PZP: variants seen among roughly 807,000 people sequenced by gnomAD.
PZP encodes the protein PZP alpha-2-macroglobulin like.
In PZP, 150 loss-of-function variants were observed where a neutral mutation model predicts 179.8. That is an observed-to-expected ratio of 0.83 (90% CI 0.73 to 0.96). The LOEUF is 0.96. Among genes scored for constraint, PZP ranks in the 40% least tolerant of loss-of-function variants. The pLI is 0.00. For synonymous variants in PZP, 624 were observed against 652.3 expected, an observed-to-expected ratio of 0.96 and a Z score of 0.66; for missense variants, 1,689 against 1,764.0, an observed-to-expected ratio of 0.96 and a Z score of 0.76.
intron 18 of PZP, 84 bp from the exon 19 acceptor site, chr12:9,165,451 C>G: frequency 6.8e-7 from 1 of 1,465,036 alleles, no homozygotes; most frequent in Non-Finnish European, 9.4e-7. Flanking sequence ...ATAAAGCTAA[C>G]GTCAAGAACT....
rs1943493536 is a variant in PZP, at chr12:9,192,174, T to C, written c.1546+19A>G. On this transcript the variant is annotated intron_variant, in intron 13 of 35. Transcript: ENST00000261336. Reference sequence around the variant, plus strand: ...GATGTGTTAGGGGAGCAAGGAGAGATGAATCTGAGGATACTCACTGTCTCC... The same window carrying C: ...GATGTGTTAGGGGAGCAAGGAGAGACGAATCTGAGGATACTCACTGTCTCC... The C allele has an allele frequency of 6.2e-7, 1 of 1,604,752 alleles. No homozygotes were observed. The highest frequency in any genetic ancestry group is 2.2e-5 in the East Asian group (1 of 44,820).
intron 25 of PZP, 147 bp downstream of exon 25, chr12:9,159,791 A>G: frequency 1.4e-6 from 1 of 710,924 alleles, no homozygotes; most frequent in Non-Finnish European, 2.3e-6. Context: ...ATCAGCCTTC[A>G]TAGCTATAAG....
At chr12:9,208,037 T>A (rs1944528535) in intron 1 of PZP, among the ~76,000 whole-genome samples, 1 of 152,200 alleles carries the variant, frequency 6.6e-6, no homozygotes, top group Non-Finnish European at 1.5e-5. Flanking sequence ...TGCTTCCTAG[T>A]GACTAATCGT....
chr12:9,155,438 T>A (rs1207553794), intron 28 of PZP, among the ~76,000 whole-genome samples: 1 of 152,222 alleles, frequency 6.6e-6, no homozygotes, highest in African/African-American at 2.4e-5. Context: ...TCTTTCCTGC[T>A]AATTCAACTC....
At chr12:9,171,963 C>T (rs1262876370) in intron 15 of PZP, among the ~76,000 whole-genome samples, 1 of 152,076 alleles carries the variant, frequency 6.6e-6, no homozygotes. Context: ...CAAGACAGGC[C>T]AACATTCAAA....
rs185115711 is a variant in PZP at position 9,157,827 on chromosome 12, A to G, written c.3309T>C (p.Asp1103=). The change falls in exon 27 of 36, where the codon GAT becomes GAC. Residue 1103 remains aspartate (D), a synonymous_variant. Transcript: ENST00000261336. The part of the protein sequence containing the change: ...LNNAIKGGVE[D]EATLSAYVTI... The stretch of plus-strand genomic sequence containing the variant: ...TAACATAGGCGGAGAGGGTCGCTTC[A>G]TCTTCTACACCTCCCTGTGAATACA... 3.1e-6 allele frequency: 5 copies of G among 1,613,838 alleles called. No homozygotes were observed. In the Admixed American group the frequency reaches 5.0e-5, roughly 16 times the overall value.
At chr12:9,173,540 G>T (rs1315830746) in intron 15 of PZP, among the ~76,000 whole-genome samples, 6 of 151,760 alleles carry the variant, frequency 4.0e-5, no homozygotes, top group Admixed American at 6.6e-5. Flanking sequence ...CCAGGAGCTG[G>T]TTTTTTTGAA....
Position 9,208,274 on chromosome 12 carries a change from G to A in PZP, c.68C>T (p.Ser23Leu). Residue 23 changes from serine to leucine, a missense_variant, in exon 1 of 36, where the codon TCA (serine) becomes TTA (leucine). Ser to Leu is a moderately radical substitution (Grantham distance 145). Transcript: ENST00000261336. ...LLLILLSASDSNSTEPQYMVL... is the reference protein window; with the variant it reads ...LLLILLSASDLNSTEPQYMVL... ...TGAGACTTACGGTTCTGTAGAGTTT[G>A]AGTCACTGGCAGAAAGCAGGATAAG... is the stretch of plus-strand genomic sequence containing the variant. 6.2e-7 allele frequency: 1 copy of A among 1,613,360 alleles called. No homozygotes were observed. Among genetic ancestry groups the A allele is most frequent in the Non-Finnish European group, 8.5e-7 (1 of 1,179,348 alleles).
chr12:9,201,133 A>C, intron 5 of PZP, 73 bp from the exon 6 acceptor site: 1 of 1,558,898 alleles, frequency 6.4e-7, no homozygotes. Context: ...AATGATTTTG[A>C]AGGTGATAAT....
intron 18 of PZP, among the ~76,000 whole-genome samples, chr12:9,165,781 G>A (rs1479056762): frequency 6.6e-6 from 1 of 152,138 alleles, no homozygotes; most frequent in Non-Finnish European, 1.5e-5. Flanking sequence ...CTCCCTGAAC[G>A]ACATTAAGCA....
intron 15 of PZP, among the ~76,000 whole-genome samples, chr12:9,174,187 A>G (rs1263301385): frequency 1.3e-5 from 2 of 152,212 alleles, no homozygotes; most frequent in Non-Finnish European, 2.9e-5. Flanking sequence ...ACAAATCAAT[A>G]AGTGCGATTC....
chr12:9,136,875 G>GT, the PZP span, among the ~76,000 whole-genome samples: 1 of 152,010 alleles, frequency 6.6e-6, no homozygotes, highest in African/African-American at 2.4e-5. Flanking sequence ...CATGTTATTA[G>GT]TTTTTTTGCT....
chr12:9,148,416 A>G (rs897520568), downstream of PZP, among the ~76,000 whole-genome samples: 1 of 152,124 alleles, frequency 6.6e-6, no homozygotes, highest in Non-Finnish European at 1.5e-5. Context: ...TAATTTTATT[A>G]TCCATGTTTG....
chr12:9,165,504 A>C, intron 18 of PZP, 137 bp from the exon 19 acceptor site: 1 of 956,720 alleles, frequency 1.0e-6, no homozygotes, highest in Admixed American at 2.5e-5. Context: ...TCGTGTGAAC[A>C]CTAGATTATG....
rs1206015621 is a variant in PZP at position 9,170,515 on chromosome 12, A to G, written c.1840-924T>C. ...ATCCTGTGGACCCCACTTCCACAGC[A>G]CCTCACAGGTTAAGACTCACTGTCT... On this transcript the variant is annotated intron_variant, in intron 15 of 35. Transcript: ENST00000261336. The surrounding 1 kb of genome is among the most constrained non-coding windows in gnomAD (Gnocchi z 4.6). 6.6e-6 allele frequency among the ~76,000 whole-genome samples: 1 copy of G among 152,132 alleles called. No homozygotes were observed. The highest frequency in any genetic ancestry group is 1.5e-5 in the Non-Finnish European group (1 of 68,010).
intron 4 of PZP, 37 bp downstream of exon 4, chr12:9,202,282 C>G: frequency 1.3e-6 from 2 of 1,552,416 alleles, no homozygotes; most frequent in Non-Finnish European, 1.8e-6. Context: ...TATTCCCACT[C>G]TACCCACAAC....
At chr12:9,156,685 T>C (rs1940779045) in intron 28 of PZP, among the ~76,000 whole-genome samples, 1 of 152,242 alleles carries the variant, frequency 6.6e-6, no homozygotes, top group Non-Finnish European at 1.5e-5. Context: ...TATGTTCTGC[T>C]CTGTGTAACA....
At position 9,208,344 on chromosome 12, in the gene PZP, T is replaced by C. The variant is rs1178228428; in HGVS notation, c.-3A>G. The C allele has an allele frequency of 1.2e-6, 2 of 1,611,892 alleles. No homozygotes were observed. ...TGAAGAAGTCTGTCTTTCCGCATTG[T>C]GAGGGATAAATCTCAGGGTTGTGTC... On this transcript the variant is annotated 5_prime_UTR_variant, in exon 1 of 36. Transcript: ENST00000261336.
At chr12:9,190,648 G>C (rs1393562624) in intron 13 of PZP, among the ~76,000 whole-genome samples, 4 of 152,000 alleles carry the variant, frequency 2.6e-5, no homozygotes, top group East Asian at 3.9e-4. Context: ...CCCATGACAC[G>C]AGTTTACCTA....
Sources: allele counts gnomAD v4.1 joint callset (sites outside exome capture counted in the v4.1 genomes callset), GRCh38; gene constraint gnomAD v4.1.1; non-coding constraint Gnocchi (gnomAD v3.1); transcripts MANE v1.5; gene names NCBI Gene and HGNC (gene_info 2026-07-23, HGNC 2026-07-21).